The following CSMD1 variants were observed in gnomAD, a reference collection of about 807,000 sequenced individuals.
CSMD1 encodes CUB and sushi domain-containing protein 1.
CSMD1 carries 213 observed loss-of-function variants against 417.5 expected under a neutral mutation model. That is an observed-to-expected ratio of 0.51 (90% confidence interval 0.46 to 0.57). The LOEUF (loss-of-function observed/expected upper bound fraction) is 0.57, where lower values mean the gene tolerates loss of function less well. Ranked by LOEUF, CSMD1 falls within the 20% of genes least tolerant of loss-of-function variation. The probability of loss-of-function intolerance (pLI) is 0.00; values close to 1 mark genes in which losing one functional copy is unlikely to be tolerated. For missense variants in CSMD1, 6,923 were observed against 4,529.7 expected, an observed-to-expected ratio of 1.53 and a Z score of -15.17; for synonymous variants, 2,862 against 1,736.8, an observed-to-expected ratio of 1.65 and a Z score of -16.11.
intron 8 of CSMD1, among the ~76,000 whole-genome samples, chr8:3,608,507 T>C (rs1801729769): frequency 6.6e-6 from 1 of 152,120 alleles, no homozygotes; most frequent in African/African-American, 2.4e-5. Context: ...CTCACGCCTG[T>C]AATCCCAGCA....
chr8:3,902,934 C>T (rs1266126226), intron 5 of CSMD1, among the ~76,000 whole-genome samples: 4 of 152,122 alleles, frequency 2.6e-5, no homozygotes, highest in African/African-American at 9.7e-5. Flanking sequence ...CTCCAGTTTC[C>T]AGCTCTACCT....
chr8:3,649,598 T>C (rs1386245034), intron 7 of CSMD1, among the ~76,000 whole-genome samples: 5 of 151,880 alleles, frequency 3.3e-5, no homozygotes, highest in Non-Finnish European at 5.9e-5. Flanking sequence ...ATAAAACCAG[T>C]AGATCTTATG....
intron 9 of CSMD1, among the ~76,000 whole-genome samples, chr8:3,583,750 G>C (rs938947374): frequency 1.3e-5 from 2 of 152,060 alleles, no homozygotes; most frequent in Non-Finnish European, 2.9e-5. Context: ...TTCTAGACAG[G>C]AAAGGCAGAG....
intron 5 of CSMD1, among the ~76,000 whole-genome samples, chr8:3,881,350 T>C (rs762917788): frequency 6.7e-5 from 10 of 150,316 alleles, no homozygotes; most frequent in Admixed American, 2.0e-4. Flanking sequence ...AAAAAGCAAG[T>C]TGGGGCCGGG....
At chr8:4,697,375 G>C (rs947586973) in intron 1 of CSMD1, among the ~76,000 whole-genome samples, 2 of 152,018 alleles carry the variant, frequency 1.3e-5, no homozygotes, top group Admixed American at 6.6e-5. Context: ...ATTTCTGCTT[G>C]ATTTTAAGTG....
At chr8:4,300,451 G>C (rs1188959054) in intron 3 of CSMD1, among the ~76,000 whole-genome samples, 3 of 152,212 alleles carry the variant, frequency 2.0e-5, no homozygotes, top group African/African-American at 7.2e-5. Flanking sequence ...CTAAAGAACT[G>C]AGTGTCCTTG....
At chr8:3,179,157 G>C (rs779998295) in intron 37 of CSMD1, among the ~76,000 whole-genome samples, 18 of 151,278 alleles carry the variant, frequency 1.2e-4, no homozygotes, top group East Asian at 1.2e-3. Context: ...GTGTTAGCCA[G>C]GACTGTCTCG....
chr8:3,366,100 T>G (rs13273853), intron 20 of CSMD1, among the ~76,000 whole-genome samples: 1 of 152,076 alleles, frequency 6.6e-6, no homozygotes, highest in African/African-American at 2.4e-5. Context: ...GACCACCTTA[T>G]GAAAATTACA....
At chr8:4,569,394 A>G (rs1343406123) in intron 2 of CSMD1, among the ~76,000 whole-genome samples, 1 of 152,224 alleles carries the variant, frequency 6.6e-6, no homozygotes, top group African/African-American at 2.4e-5. Flanking sequence ...CATGTATTAA[A>G]TAGGAAATCC....
chr8:2,997,929 T>G, intron 54 of CSMD1, 82 bp downstream of exon 54: 1 of 1,355,676 alleles, frequency 7.4e-7, no homozygotes, highest in Non-Finnish European at 1.0e-6. Flanking sequence ...CCTTGATTCA[T>G]GGAGACAGGC....
chr8:3,103,372 C>T (rs537669225), intron 46 of CSMD1, among the ~76,000 whole-genome samples: 3 of 152,162 alleles, frequency 2.0e-5, no homozygotes, highest in Non-Finnish European at 4.4e-5. Context: ...CCAGATGGTA[C>T]AGCCTGCTAC....
intron 1 of CSMD1, among the ~76,000 whole-genome samples, chr8:4,732,665 C>T (rs541945597): frequency 2.5e-4 from 38 of 152,262 alleles, no homozygotes; most frequent in African/African-American, 8.7e-4. Context: ...GGCAGCCACA[C>T]ATCTGCCCCA....
chr8:4,023,839 G>C (rs147277676), intron 4 of CSMD1, among the ~76,000 whole-genome samples: 1,315 of 130,370 alleles, frequency 0.01, 17 homozygotes, highest in African/African-American at 0.036. Context: ...GGATGGCCTC[G>C]ATCTCCTGAC....
chr8:3,358,937 C>T (rs1369039382), intron 21 of CSMD1, among the ~76,000 whole-genome samples: 1 of 152,010 alleles, frequency 6.6e-6, no homozygotes, highest in Non-Finnish European at 1.5e-5. Flanking sequence ...CATAAAATTT[C>T]AGAGCTGAAA....
chr8:4,529,267 T>C (rs758723241), intron 2 of CSMD1, among the ~76,000 whole-genome samples: 3 of 152,106 alleles, frequency 2.0e-5, no homozygotes, highest in Admixed American at 2.0e-4. Flanking sequence ...GACAATGTGG[T>C]TTTCCAAAAG....
chr8:4,349,250 G>C (rs1205352502), intron 3 of CSMD1, among the ~76,000 whole-genome samples: 3 of 152,124 alleles, frequency 2.0e-5, no homozygotes, highest in Admixed American at 6.5e-5. Flanking sequence ...TGTGGTATTT[G>C]GTACAGACCA....
chr8:4,303,175 A>C (rs1290824389), intron 3 of CSMD1, among the ~76,000 whole-genome samples: 10 of 152,118 alleles, frequency 6.6e-5, no homozygotes, highest in Non-Finnish European at 1.5e-4. Flanking sequence ...ATAGGGCATG[A>C]ATATTGTGGG....
chr8:3,869,917 C>A (rs940916973), intron 5 of CSMD1, among the ~76,000 whole-genome samples: 9 of 151,694 alleles, frequency 5.9e-5, no homozygotes, highest in African/African-American at 2.2e-4. Context: ...AAAAACTAGC[C>A]CTTTCCTTAA....
intron 2 of CSMD1, among the ~76,000 whole-genome samples, chr8:4,527,230 T>G (rs1585204869): frequency 6.6e-6 from 1 of 152,202 alleles, no homozygotes; most frequent in Non-Finnish European, 1.5e-5. Flanking sequence ...TGGGTTGCTG[T>G]AATTACATCA....
Sources: allele counts gnomAD v4.1 joint callset (sites outside exome capture counted in the v4.1 genomes callset), GRCh38; gene constraint gnomAD v4.1.1; transcripts MANE v1.5; gene names NCBI Gene and HGNC (gene_info 2026-07-23, HGNC 2026-07-21).